CNBD1: variants seen among roughly 807,000 people sequenced by gnomAD.
The protein encoded by CNBD1 is cyclic nucleotide-binding domain-containing protein 1.
Under a neutral mutation model 54.4 loss-of-function variants are expected in CNBD1, and 71 were observed. The observed-to-expected ratio is 1.30, with a 90% CI of 1.08 to 1.59. CNBD1 has a LOEUF of 1.59. CNBD1 is among the 40% of genes most tolerant of loss of function. The pLI, the probability that CNBD1 is intolerant of heterozygous loss-of-function variation, is 0.00. For synonymous variants in CNBD1, 182 were observed against 170.7 expected (o/e 1.07, Z -0.51); for missense variants, 659 against 518.0 (o/e 1.27, Z -2.64).
At chr8:87,040,708 G>A (rs1200061858) in intron 4 of CNBD1, among the ~76,000 whole-genome samples, 1 of 151,508 alleles carries the variant, frequency 6.6e-6, no homozygotes, top group Admixed American at 6.6e-5. Context: ...ACAGGCGTGA[G>A]CCACTGCGTC....
At chr8:87,046,609 T>C (rs1048918354) in intron 4 of CNBD1, among the ~76,000 whole-genome samples, 2 of 152,130 alleles carry the variant, frequency 1.3e-5, no homozygotes, top group Non-Finnish European at 2.9e-5. Flanking sequence ...TAGGTTGTGA[T>C]GTGTAAGAGA....
At chr8:86,894,705 T>A (rs1808824794) in intron 2 of CNBD1, among the ~76,000 whole-genome samples, 1 of 152,108 alleles carries the variant, frequency 6.6e-6, no homozygotes, top group Non-Finnish European at 1.5e-5. Context: ...CTCCCTATCC[T>A]CAACCCCTGA....
rs772791436 is a variant in CNBD1 at position 86,939,580 on chromosome 8, A to G, written c.273-16A>G. Reference sequence around the variant, plus strand: ...GCAGTATACAACAGCATAAAATACTATATTTTCTTGTTCAGGGAACTCAAT... The same window carrying G: ...GCAGTATACAACAGCATAAAATACTGTATTTTCTTGTTCAGGGAACTCAAT... On this transcript the variant is annotated splice_polypyrimidine_tract_variant and intron_variant, in intron 3 of 10. Coordinates refer to ENST00000518476, the MANE Select transcript of CNBD1 (RefSeq NM_173538.3). 2 of 1,554,816 alleles carry G rather than the reference A, an allele frequency of 1.3e-6. No individual in the cohort carries two copies. Among genetic ancestry groups the G allele is most frequent in the Admixed American group, 2.0e-5 (1 of 48,840 alleles).
chr8:87,203,923 G>C (rs1296463962), intron 4 of CNBD1, among the ~76,000 whole-genome samples: 1 of 152,152 alleles, frequency 6.6e-6, no homozygotes, highest in Non-Finnish European at 1.5e-5. Context: ...CTGTTTTGCT[G>C]GGCTAGTATT....
intron 4 of CNBD1, among the ~76,000 whole-genome samples, chr8:87,061,182 T>A (rs1475236195): frequency 1.3e-5 from 2 of 152,242 alleles, no homozygotes; most frequent in African/African-American, 4.8e-5. Flanking sequence ...AAAATTCTTC[T>A]GCTCAACACT....
At chr8:87,378,610 T>A (rs573323335) in intron 10 of CNBD1, among the ~76,000 whole-genome samples, 11 of 149,254 alleles carry the variant, frequency 7.4e-5, no homozygotes, top group Non-Finnish European at 1.0e-4. Flanking sequence ...TTTGTTCTTT[T>A]GGCTTAGGAT....
chr8:87,072,078 C>G (rs1274127584), intron 4 of CNBD1, among the ~76,000 whole-genome samples: 1 of 152,054 alleles, frequency 6.6e-6, no homozygotes, highest in East Asian at 1.9e-4. Flanking sequence ...CCTTCTTTGT[C>G]TTTCTTGACA....
intron 2 of CNBD1, among the ~76,000 whole-genome samples, chr8:87,422,973 T>C (rs1807968319): frequency 1.3e-5 from 2 of 152,044 alleles, no homozygotes; most frequent in African/African-American, 4.8e-5. Flanking sequence ...GTAGTTCTCC[T>C]TGAAGAGGTC....
intron 4 of CNBD1, among the ~76,000 whole-genome samples, chr8:87,146,067 G>A (rs931931064): frequency 1.3e-5 from 2 of 151,916 alleles, no homozygotes; most frequent in East Asian, 1.9e-4. Flanking sequence ...AAATATTTTC[G>A]AATTCTTTTT....
rs2130761922 is a variant in CNBD1 at position 87,163,976 on chromosome 8, C to T, written c.432-42017C>T. 6.6e-6 allele frequency among the ~76,000 whole-genome samples: 1 copy of T among 151,808 alleles called. No individual in the cohort carries two copies. The highest frequency in any genetic ancestry group is 3.4e-3 in the Middle Eastern group (1 of 294). On this transcript the variant is annotated intron_variant, in intron 4 of 10. Transcript: ENST00000518476. This position sits in a 1 kb window ranked among gnomAD's most constrained non-coding sequence, Gnocchi z 4.5. ...TGTATTGAGATACTTTCCTCCTGTA[C>T]CTAATTTGTTGAGAATTTCTATTTT...
chr8:87,384,083 C>T (rs913022982), downstream of CNBD1, among the ~76,000 whole-genome samples: 9 of 152,020 alleles, frequency 5.9e-5, no homozygotes, highest in Non-Finnish European at 1.2e-4. Context: ...AATCATTTGG[C>T]TTGTCCTTTA....
intron 4 of CNBD1, among the ~76,000 whole-genome samples, chr8:87,114,203 A>G (rs1175790184): frequency 6.6e-6 from 1 of 152,190 alleles, no homozygotes; most frequent in East Asian, 1.9e-4. Flanking sequence ...ACAAATAAAT[A>G]TCTCTATACA....
At chr8:87,042,460 G>A (rs1432270802) in intron 4 of CNBD1, among the ~76,000 whole-genome samples, 2 of 152,154 alleles carry the variant, frequency 1.3e-5, no homozygotes, top group African/African-American at 2.4e-5. Flanking sequence ...CAATGATGCT[G>A]TGAGTATGAA....
chr8:87,158,784 T>C (rs1563490522), intron 4 of CNBD1, among the ~76,000 whole-genome samples: 1 of 152,164 alleles, frequency 6.6e-6, no homozygotes, highest in Non-Finnish European at 1.5e-5. Flanking sequence ...ATAAAGAATG[T>C]GAGCATGCTA....
intron 4 of CNBD1, among the ~76,000 whole-genome samples, chr8:86,949,064 A>G (rs947532167): frequency 1.9e-4 from 29 of 152,024 alleles, no homozygotes; most frequent in African/African-American, 6.0e-4. Flanking sequence ...CACTGTATAT[A>G]TATGGATTTA....
chr8:87,339,968 T>C (rs991018162), intron 8 of CNBD1, among the ~76,000 whole-genome samples: 1 of 152,222 alleles, frequency 6.6e-6, no homozygotes, highest in East Asian at 1.9e-4. Context: ...TTTATAGTAA[T>C]CTTTACCTGT....
At chr8:87,050,840 G>A (rs987185957) in intron 4 of CNBD1, among the ~76,000 whole-genome samples, 2 of 152,146 alleles carry the variant, frequency 1.3e-5, no homozygotes, top group African/African-American at 4.8e-5. Context: ...GCCTAAGGAG[G>A]CCTTGTGCTT....
intron 4 of CNBD1, among the ~76,000 whole-genome samples, chr8:87,096,489 G>C (rs1398179622): frequency 6.6e-6 from 1 of 151,768 alleles, no homozygotes; most frequent in Non-Finnish European, 1.5e-5. Context: ...TGAATTTTAG[G>C]GTAAACAATT....
chr8:87,028,932 T>C (rs1162127098), intron 4 of CNBD1, among the ~76,000 whole-genome samples: 1 of 152,220 alleles, frequency 6.6e-6, no homozygotes, highest in Admixed American at 6.5e-5. Flanking sequence ...CCCTTTTCTC[T>C]ACATCCTTTC....
Sources: allele counts gnomAD v4.1 joint callset (sites outside exome capture counted in the v4.1 genomes callset), GRCh38; gene constraint gnomAD v4.1.1; non-coding constraint Gnocchi (gnomAD v3.1); transcripts MANE v1.5; gene names NCBI Gene and HGNC (gene_info 2026-07-23, HGNC 2026-07-21).